The following USP6NL variants were observed in gnomAD, a reference collection of about 807,000 sequenced individuals.
USP6NL encodes the protein USP6 N-terminal-like protein.
A neutral mutation model predicts 61.9 loss-of-function variants in USP6NL; 26 were observed. The observed-to-expected ratio is 0.42, with a 90% CI of 0.31 to 0.58. The LOEUF is 0.58. Among genes scored for constraint, USP6NL ranks in the 20% least tolerant of loss-of-function variants. The pLI, the probability that USP6NL is intolerant of heterozygous loss-of-function variation, is 0.16. For synonymous variants in USP6NL, 432 were observed against 390.1 expected, an observed-to-expected ratio of 1.11 and a Z score of -1.27; for missense variants, 1,114 against 1,034.3, an observed-to-expected ratio of 1.08 and a Z score of -1.06.
chr10:11,472,278 CCT>C (rs1832782929), intron 14 of USP6NL, among the ~76,000 whole-genome samples: 1 of 152,068 alleles, frequency 6.6e-6, no homozygotes, highest in African/African-American at 2.4e-5. Context: ...AGGAAGAGTC[CCT>C]CTCAGGCCCT....
In USP6NL at chr10:11,463,803, A is replaced by T; in HGVS notation, c.1125T>A (p.Pro375=). The T allele has an allele frequency of 1.3e-6, 2 of 1,488,760 alleles. No individual in the cohort carries two copies. Among genetic ancestry groups the T allele is most frequent in the Non-Finnish European group, 1.8e-6 (2 of 1,120,496 alleles). The allele number at this position is 1,488,760 out of a possible 1,614,324, so 92.2% of individuals were successfully genotyped here. A position where few individuals can be genotyped will look rare whatever the true frequency, so the allele number is the denominator to read the frequency against. Residue 375 remains proline, a synonymous_variant, in exon 15 of 15, where the codon CCT becomes CCA. Transcript: ENST00000609104. This position sits in a 1 kb window ranked among gnomAD's most constrained non-coding sequence, Gnocchi z 6.3. ...GATGGACGCCCCAAGACTGAAGTTC[A>T]GGTGGAAGCTGCCCCAAGGGCTTCT... The part of the protein sequence containing the change: ...YPKKPLGQLP[P]ELQSWGVHHL...
chr10:11,581,830 T>C (rs1837783323), intron 2 of USP6NL, among the ~76,000 whole-genome samples: 1 of 152,230 alleles, frequency 6.6e-6, no homozygotes, highest in Non-Finnish European at 1.5e-5. Context: ...TGGAGTGTGG[T>C]GGCTCGATCT....
In USP6NL at chr10:11,521,344, TTATTA is replaced by T. The variant is rs1020779959; in HGVS notation, c.156-2775_156-2771del. 2.7e-5 allele frequency among the ~76,000 whole-genome samples: 4 copies of T among 147,164 alleles called. No individual in the cohort carries two copies. In the South Asian group the frequency reaches 6.3e-4, roughly 23 times the overall value. ...TTATATATAAAATATATATTATATA[TTATTA>T]TATTATATACATATATATTATTTAT... On this transcript the variant is annotated intron_variant, in intron 4 of 14. Transcript: ENST00000609104.
chr10:11,569,383 G>A (rs1837279702), intron 2 of USP6NL, among the ~76,000 whole-genome samples: 2 of 152,176 alleles, frequency 1.3e-5, no homozygotes, highest in Non-Finnish European at 2.9e-5. Flanking sequence ...GATGGAAGTA[G>A]AAACGTTCAG....
chr10:11,462,941 G>T lies in USP6NL; in HGVS notation c.1987C>A (p.Gln663Lys). The T allele has an allele frequency of 1.2e-6, 2 of 1,613,610 alleles. No individual in the cohort carries two copies. Among genetic ancestry groups the T allele is most frequent in the Non-Finnish European group, 1.7e-6 (2 of 1,179,694 alleles). ...FASPQFSPGT[Q>K]LNPSRRPHGS... ...TGAGGTCTCCTGGAAGGATTCAGTT[G>T]AGTCCCAGGGCTAAACTGTGGAGAA... The change falls in exon 15 of 15, where the codon CAA becomes AAA. Residue 663 changes from glutamine to lysine, a missense_variant. Transcript: ENST00000609104.
chr10:11,568,192 T>C (rs1837235977), intron 2 of USP6NL, among the ~76,000 whole-genome samples: 1 of 151,856 alleles, frequency 6.6e-6, no homozygotes, highest in African/African-American at 2.4e-5. Context: ...CGCGTGCTTG[T>C]ATGCAAAGAG....
At chr10:11,606,292 C>G (rs992538556) in intron 1 of USP6NL, among the ~76,000 whole-genome samples, 1 of 152,142 alleles carries the variant, frequency 6.6e-6, no homozygotes, top group Non-Finnish European at 1.5e-5. Context: ...TAAAGATACT[C>G]TTAAACAAAC....
chr10:11,521,682 T>C (rs1415298891), intron 4 of USP6NL, among the ~76,000 whole-genome samples: 2 of 152,088 alleles, frequency 1.3e-5, no homozygotes, highest in African/African-American at 2.4e-5. Flanking sequence ...GCCCGGCCAA[T>C]GATACTCTTT....
intron 1 of USP6NL, among the ~76,000 whole-genome samples, chr10:11,603,044 G>A (rs2133685022): frequency 6.6e-6 from 1 of 152,332 alleles, no homozygotes; most frequent in East Asian, 1.9e-4. Context: ...CATTGCTAGA[G>A]AGAAAGGAGG....
At chr10:11,581,482 C>T (rs1837772167) in intron 2 of USP6NL, among the ~76,000 whole-genome samples, 1 of 152,214 alleles carries the variant, frequency 6.6e-6, no homozygotes, top group Non-Finnish European at 1.5e-5. Flanking sequence ...TTTTAACCCA[C>T]TTTTCAGAAA....
intron 13 of USP6NL, among the ~76,000 whole-genome samples, chr10:11,483,288 A>G (rs1833282378): frequency 1.3e-5 from 2 of 151,982 alleles, no homozygotes; most frequent in African/African-American, 4.8e-5. Context: ...ACATTTATTT[A>G]CAAGGGTAAA....
intron 2 of USP6NL, among the ~76,000 whole-genome samples, chr10:11,552,702 C>T (rs1185026268): frequency 6.6e-6 from 1 of 152,212 alleles, no homozygotes; most frequent in Non-Finnish European, 1.5e-5. Flanking sequence ...TAAACATATT[C>T]TTAGCTTTAG....
In USP6NL at chr10:11,520,151, C is replaced by T. The variant is rs1835147390; in HGVS notation, c.156-1577G>A. Among the ~76,000 whole-genome samples the T allele has an allele frequency of 1.3e-5, 2 of 152,182 alleles. No homozygotes were observed. The highest frequency in any genetic ancestry group is 4.8e-5 in the African/African-American group (2 of 41,446). On this transcript the variant is annotated intron_variant, in intron 4 of 14. Coordinates refer to ENST00000609104, the MANE Select transcript of USP6NL (RefSeq NM_014688.5). This position sits in a 1 kb window ranked among gnomAD's most constrained non-coding sequence, Gnocchi z 5.2. ...TTTAGCACTAATTCAGTGGGTTCAA[C>T]TTCATACAGACAAGATCTCAGATCA...
chr10:11,596,407 G>A lies in USP6NL; in HGVS notation c.4+1224C>T, dbSNP rs1425658957. On this transcript the variant is annotated intron_variant, in intron 2 of 14. Transcript: ENST00000609104. This position sits in a 1 kb window ranked among gnomAD's most constrained non-coding sequence, Gnocchi z 4.1. ...GAGGCTGAGGCGGGCGGATCACAAGGTCAGGAGATCGAGACCATCCTGACT... is the reference window on the plus strand; with the variant it reads ...GAGGCTGAGGCGGGCGGATCACAAGATCAGGAGATCGAGACCATCCTGACT... Among the ~76,000 whole-genome samples the A allele has an allele frequency of 2.0e-5, 3 of 152,020 alleles. No individual in the cohort carries two copies. The highest frequency in any genetic ancestry group is 4.4e-5 in the Non-Finnish European group (3 of 68,002).
chr10:11,593,498 T>A (rs2133650279), intron 2 of USP6NL, among the ~76,000 whole-genome samples: 1 of 152,288 alleles, frequency 6.6e-6, no homozygotes, highest in South Asian at 2.1e-4. Flanking sequence ...CTTGGTTCCA[T>A]CTGAGAAAAA....
intron 3 of USP6NL, 51 bp downstream of exon 3, chr10:11,527,449 A>G (rs935605174): frequency 6.6e-7 from 1 of 1,508,468 alleles, no homozygotes; most frequent in Non-Finnish European, 9.0e-7. Context: ...ATTTCTATTT[A>G]TATGGTTTTT....
At chr10:11,552,820 T>C (rs995739586) in intron 2 of USP6NL, among the ~76,000 whole-genome samples, 6 of 152,236 alleles carry the variant, frequency 3.9e-5, no homozygotes. Context: ...TGCTGCTTTA[T>C]TATTTTTTTA....
At chr10:11,582,162 C>T (rs1209701157) in intron 2 of USP6NL, among the ~76,000 whole-genome samples, 3 of 152,204 alleles carry the variant, frequency 2.0e-5, no homozygotes, top group Admixed American at 6.5e-5. Flanking sequence ...GACGGGGTTT[C>T]GCCATGTTGG....
chr10:11,603,532 CAACTGTA>C (rs1838617939), intron 1 of USP6NL, among the ~76,000 whole-genome samples: 1 of 152,052 alleles, frequency 6.6e-6, no homozygotes, highest in African/African-American at 2.4e-5. Flanking sequence ...TCCAGACTGC[CAACTGTA>C]ACAATAAGCA....
Sources: gnomAD v4.1 joint callset for allele counts (sites outside exome capture counted in the v4.1 genomes callset) on GRCh38, gnomAD v4.1.1 for gene constraint, Gnocchi (gnomAD v3.1) non-coding constraint, MANE v1.5 for transcripts, NCBI Gene and HGNC (gene_info 2026-07-23, HGNC 2026-07-21) for gene names.